Variants in DPY19L4 observed in about 807,000 individuals in gnomAD.
The protein encoded by DPY19L4 is dpy-19 like 4, also known as probable C-mannosyltransferase DPY19L4.
In DPY19L4, 97 loss-of-function variants were observed where a neutral mutation model predicts 102.8. The ratio of observed to expected loss-of-function variants is 0.94; its 90% CI spans 0.80 to 1.12. The LOEUF is 1.12. Ranked by LOEUF, DPY19L4 falls within the 50% of genes most tolerant of loss-of-function variation. The pLI is 0.00. For synonymous variants in DPY19L4, 252 were observed against 283.1 expected, an observed-to-expected ratio of 0.89 and a Z score of 1.10; for missense variants, 815 against 850.4, an observed-to-expected ratio of 0.96 and a Z score of 0.52.
chr8:94,754,813 G>A (rs1341604737), intron 6 of DPY19L4, among the ~76,000 whole-genome samples: 1 of 152,122 alleles, frequency 6.6e-6, no homozygotes, highest in Non-Finnish European at 1.5e-5. Context: ...TTTTGAAATA[G>A]AGTCTTGCTG....
chr8:94,780,547 C>T, intron 15 of DPY19L4, 132 bp downstream of exon 15: 1 of 594,270 alleles, frequency 1.7e-6, no homozygotes, highest in Non-Finnish European at 2.5e-6. Flanking sequence ...CTTAGTAATG[C>T]TTAATTTTTT....
chr8:94,722,581 C>T (rs1176222704), intron 1 of DPY19L4, among the ~76,000 whole-genome samples: 1 of 152,000 alleles, frequency 6.6e-6, no homozygotes, highest in Non-Finnish European at 1.5e-5. Context: ...CTATTAGATG[C>T]AAGGATATAA....
At chr8:94,788,346 AG>A (rs1414077950) in intron 18 of DPY19L4, among the ~76,000 whole-genome samples, 1 of 152,132 alleles carries the variant, frequency 6.6e-6, no homozygotes, top group Non-Finnish European at 1.5e-5. Context: ...CATAAACAAA[AG>A]ATGGCATAAT....
At chr8:94,777,549 C>A in intron 13 of DPY19L4, 117 bp from the exon 14 acceptor site, 1 of 1,282,728 alleles carries the variant, frequency 7.8e-7, no homozygotes, top group Non-Finnish European at 1.1e-6. Context: ...AGCTTTTTCA[C>A]TGTCCCTTAG....
chr8:94,788,758 G>T (rs1432581104), intron 18 of DPY19L4, among the ~76,000 whole-genome samples: 1 of 152,230 alleles, frequency 6.6e-6, no homozygotes, highest in Non-Finnish European at 1.5e-5. Flanking sequence ...AAAGCTGGGA[G>T]TGAGGGATCA....
chr8:94,757,913 C>T (rs982339422), intron 7 of DPY19L4, among the ~76,000 whole-genome samples: 4 of 151,826 alleles, frequency 2.6e-5, no homozygotes, highest in African/African-American at 9.7e-5. Context: ...GAGTTCGAGA[C>T]CAGCCTGGCC....
chr8:94,731,450 C>T (rs1810949713), intron 2 of DPY19L4, among the ~76,000 whole-genome samples: 1 of 152,188 alleles, frequency 6.6e-6, no homozygotes. Flanking sequence ...GAGTTTCGCT[C>T]TTGTGGCCCA....
intron 2 of DPY19L4, among the ~76,000 whole-genome samples, chr8:94,733,118 C>CTTTTT (rs34879619): frequency 3.9e-4 from 30 of 76,346 alleles, no homozygotes; most frequent in African/African-American, 7.1e-4. Flanking sequence ...TCATCTTAAC[C>CTTTTT]TTTTTTTTTT....
At chr8:94,775,376 T>C (rs2130915300) in intron 13 of DPY19L4, among the ~76,000 whole-genome samples, 1 of 152,306 alleles carries the variant, frequency 6.6e-6, no homozygotes. Flanking sequence ...TTCACCTTGT[T>C]GGCCAGGCTG....
intron 14 of DPY19L4, 22 bp from the exon 15 acceptor site, chr8:94,780,337 C>A (rs565130581): frequency 1.4e-6 from 2 of 1,447,224 alleles, no homozygotes; most frequent in Admixed American, 1.9e-5. Flanking sequence ...TATTTGTAAT[C>A]CTTTTTGCTT....
At position 94,739,895 on chromosome 8, in the gene DPY19L4, A is replaced by G. The variant is rs908037242; in HGVS notation, c.611+105A>G. On this transcript the variant is annotated intron_variant, in intron 6 of 18. Coordinates refer to ENST00000414645, the MANE Select transcript of DPY19L4 (RefSeq NM_181787.3). ...CAACAGTCCTCACTCTAATCCTCAG[A>G]ACCTATGAATATGATGAGATGCCAT... is the stretch of plus-strand genomic sequence containing the variant. The G allele has an allele frequency of 3.7e-6, 5 of 1,351,150 alleles. No individual in the cohort carries two copies. The African/African-American group carries it at 7.3e-5, about 20-fold the overall frequency. 83.7% of individuals were successfully genotyped at this position (1,351,150 alleles called of 1,614,324 possible). A position where few individuals can be genotyped will look rare whatever the true frequency, so the allele number is the denominator to read the frequency against.
rs748303092 is a variant in DPY19L4, at chr8:94,726,446, G to A, written c.127+5G>A. On this transcript the variant is annotated splice_donor_5th_base_variant and intron_variant, in intron 2 of 18. Transcript: ENST00000414645. ...TTCCTGAAAGAGCTCCAAAACGTAA[G>A]TTAGATAGACTTGGAATTTGTGCTA... The A allele has an allele frequency of 6.3e-6, 10 of 1,595,198 alleles. No individual in the cohort carries two copies. In the Admixed American group the frequency reaches 7.3e-5, roughly 12 times the overall value.
At position 94,789,940 on chromosome 8, in the gene DPY19L4, A is replaced by G; in HGVS notation, c.*30A>G. On this transcript the variant is annotated 3_prime_UTR_variant, in exon 19 of 19. Transcript: ENST00000414645. ...TAACAGAGCCTTCATTTCAAAGACT[A>G]CCTGAAGTAAAATGCAGTTTTCTTC... is the stretch of plus-strand genomic sequence containing the variant. 8.3e-6 allele frequency: 13 copies of G among 1,575,254 alleles called. No homozygotes were observed. The highest frequency in any genetic ancestry group is 1.1e-5 in the Non-Finnish European group (13 of 1,167,838).
In DPY19L4 at chr8:94,732,920, C is replaced by A. The variant is rs1017902053; in HGVS notation, c.128-1710C>A. Among the ~76,000 whole-genome samples the A allele has an allele frequency of 5.4e-5, 8 of 149,118 alleles. No homozygotes were observed. In the East Asian group the frequency reaches 1.2e-3, roughly 22 times the overall value. ...CTGCCTCCTGGGCTAAAGCGATTAT[C>A]CTGCTTCAGCCTCCCAAGTAGCTGG... On this transcript the variant is annotated intron_variant, in intron 2 of 18. Transcript: ENST00000414645.
rs1810381326 is a variant in DPY19L4, at chr8:94,720,011, G to C, written c.13G>C (p.Glu5Gln). 2.6e-6 allele frequency: 4 copies of C among 1,532,378 alleles called. No homozygotes were observed. The South Asian group carries it at 3.7e-5, about 14-fold the overall frequency. The allele number at this position is 1,532,378 out of a possible 1,614,324, so 94.9% of individuals were successfully genotyped here. Residue 5 changes from glutamate to glutamine, a missense_variant, in exon 1 of 19, where the codon GAA becomes CAA. Glu to Gln is a conservative substitution (Grantham distance 29, BLOSUM62 2). Transcript: ENST00000414645. MAEE[E>Q]GPPVELRQRK... ...CTTCGCAGAAACGATGGCGGAGGAA[G>C]AAGGTGATTGCCGCGGGGTCCAGCG... is the stretch of plus-strand genomic sequence containing the variant.
intron 6 of DPY19L4, among the ~76,000 whole-genome samples, chr8:94,747,298 C>G (rs991547429): frequency 3.3e-5 from 5 of 152,056 alleles, no homozygotes; most frequent in Non-Finnish European, 5.9e-5. Context: ...AGCGATCTGC[C>G]TACCTAAGCC....
intron 18 of DPY19L4, among the ~76,000 whole-genome samples, chr8:94,789,315 C>T (rs1056652017): frequency 2.0e-5 from 3 of 152,074 alleles, no homozygotes; most frequent in Non-Finnish European, 4.4e-5. Flanking sequence ...GAACATCATT[C>T]GGTGAAATTG....
At chr8:94,734,901 C>T in intron 3 of DPY19L4, 147 bp downstream of exon 3, 1 of 1,108,456 alleles carries the variant, frequency 9.0e-7, no homozygotes. Context: ...GTTACAGTAT[C>T]AACCTTAAAA....
Position 94,765,757 on chromosome 8 carries a change from T to G in DPY19L4, c.1049T>G (p.Ile350Ser), listed in dbSNP as rs1812646224. 4 of 1,603,630 alleles carry G rather than the reference T, an allele frequency of 2.5e-6. No homozygotes were observed. Among genetic ancestry groups the G allele is most frequent in the Non-Finnish European group, 3.4e-6 (4 of 1,172,944 alleles). ...TTTGTAGCTAAAATAATAAAAGTGA[T>G]TAATTTTTACTTGGTGTGTACTCTG... ...GSFVAKIIKV[I>S]NFYLVCTLTI... Residue 350 changes from isoleucine to serine, a missense_variant, in exon 10 of 19, where the codon ATT becomes AGT. Coordinates refer to ENST00000414645, the MANE Select transcript of DPY19L4 (RefSeq NM_181787.3).
Sources: gnomAD v4.1 joint callset for allele counts (sites outside exome capture counted in the v4.1 genomes callset) on GRCh38, gnomAD v4.1.1 for gene constraint, MANE v1.5 for transcripts, NCBI Gene and HGNC (gene_info 2026-07-23, HGNC 2026-07-21) for gene names.